MAP7: variants seen among roughly 807,000 people sequenced by gnomAD.
The protein encoded by MAP7 is microtubule associated protein 7, also known as ensconsin.
Under a neutral mutation model 94.8 loss-of-function variants are expected in MAP7, and 52 were observed. The ratio of observed to expected loss-of-function variants is 0.55; its 90% CI spans 0.44 to 0.69. The LOEUF (loss-of-function observed/expected upper bound fraction) is 0.69. MAP7 is among the 30% of genes least tolerant of loss of function. MAP7 has a pLI of 0.00. For synonymous variants in MAP7, 350 were observed against 357.0 expected (o/e 0.98, Z 0.22); for missense variants, 940 against 964.6 (o/e 0.97, Z 0.34).
At chr6:136,387,515 C>T (rs979286802) in intron 5 of MAP7, among the ~76,000 whole-genome samples, 10 of 152,062 alleles carry the variant, frequency 6.6e-5, no homozygotes, top group Admixed American at 6.6e-4. Flanking sequence ...ATTAGGCATG[C>T]GTTGATGACT....
intron 3 of MAP7, among the ~76,000 whole-genome samples, chr6:136,399,521 T>A (rs1366463621): frequency 1.3e-5 from 2 of 151,866 alleles, no homozygotes; most frequent in East Asian, 1.9e-4. Flanking sequence ...TTTTTTTTTT[T>A]ATTATTATTC....
chr6:136,540,399 G>C (rs1452137724), intron 1 of MAP7, among the ~76,000 whole-genome samples: 1 of 151,522 alleles, frequency 6.6e-6, no homozygotes, highest in Non-Finnish European at 1.5e-5. Context: ...GGGGCAGGAG[G>C]GAGAGGAAGG....
At chr6:136,365,228 C>T (rs78641178) in intron 10 of MAP7, 8,773 of 152,626 alleles carry the variant, frequency 0.057, 354 homozygotes, top group Admixed American at 0.11. Context: ...TGGAAGCAAA[C>T]ACTGGACTCC....
At chr6:136,514,968 A>C (rs536913377) in intron 1 of MAP7, among the ~76,000 whole-genome samples, 2 of 152,324 alleles carry the variant, frequency 1.3e-5, no homozygotes, top group African/African-American at 4.8e-5. Context: ...CTCTCTGTCT[A>C]TCAACGTCCT....
Position 136,356,763 on chromosome 6 carries a change from A to G in MAP7, c.1944T>C (p.Ala648=). The part of the protein sequence containing the change: ...EVSALPCTTN[A]PGNGKPVGSP... Reference sequence around the variant, plus strand: ...TGCCAACTGGCTTTCCATTTCCCGGAGCGTTTGTTGTACATGGAAGTGCAG... The same window carrying G: ...TGCCAACTGGCTTTCCATTTCCCGGGGCGTTTGTTGTACATGGAAGTGCAG... Residue 648 remains alanine (A), a synonymous_variant, in exon 16 of 18, where the codon GCT becomes GCC. Transcript: ENST00000354570. 6.2e-7 allele frequency: 1 copy of G among 1,614,114 alleles called. No homozygotes were observed. The highest frequency in any genetic ancestry group is 8.5e-7 in the Non-Finnish European group (1 of 1,180,012).
chr6:136,431,763 G>A (rs1324755281), intron 1 of MAP7, among the ~76,000 whole-genome samples: 1 of 152,058 alleles, frequency 6.6e-6, no homozygotes, highest in African/African-American at 2.4e-5. Flanking sequence ...GGTGATCCTC[G>A]CACCTCGGAC....
intron 1 of MAP7, among the ~76,000 whole-genome samples, chr6:136,540,326 A>G (rs963024337): frequency 6.6e-6 from 1 of 152,160 alleles, no homozygotes; most frequent in Non-Finnish European, 1.5e-5. Context: ...TCTCTGGGAA[A>G]AGTATGTAAT....
At chr6:136,469,832 C>A (rs1458155374) in intron 1 of MAP7, among the ~76,000 whole-genome samples, 1 of 152,182 alleles carries the variant, frequency 6.6e-6, no homozygotes, top group Admixed American at 6.5e-5. Flanking sequence ...CAAGATCACA[C>A]AATAATCCCT....
At chr6:136,425,957 T>C (rs1288648511) in intron 1 of MAP7, among the ~76,000 whole-genome samples, 1 of 152,184 alleles carries the variant, frequency 6.6e-6, no homozygotes, top group African/African-American at 2.4e-5. Context: ...ATTAGGGGTA[T>C]AATGTATCTC....
At chr6:136,433,570 G>T (rs1346396023) in intron 1 of MAP7, among the ~76,000 whole-genome samples, 1 of 152,202 alleles carries the variant, frequency 6.6e-6, no homozygotes, top group Admixed American at 6.5e-5. Context: ...GTGAACAAAA[G>T]TAGGAACAAA....
chr6:136,441,177 T>C (rs377511499), intron 1 of MAP7, among the ~76,000 whole-genome samples: 5 of 152,236 alleles, frequency 3.3e-5, no homozygotes, highest in African/African-American at 1.2e-4. Context: ...CTCTTCCGCA[T>C]GCTGATTTCA....
intron 1 of MAP7, among the ~76,000 whole-genome samples, chr6:136,516,441 A>G (rs1484442430): frequency 6.6e-6 from 1 of 152,162 alleles, no homozygotes; most frequent in Admixed American, 6.5e-5. Context: ...TACAGGCATA[A>G]GCCACCATGC....
chr6:136,472,913 C>T (rs181772772), intron 1 of MAP7, among the ~76,000 whole-genome samples: 19 of 152,290 alleles, frequency 1.2e-4, no homozygotes, highest in Admixed American at 1.0e-3. Flanking sequence ...ATCATATCTT[C>T]CAAGTGCCCA....
chr6:136,394,861 C>A (rs1467119876), intron 3 of MAP7, among the ~76,000 whole-genome samples: 1 of 139,812 alleles, frequency 7.2e-6, no homozygotes, highest in East Asian at 2.1e-4. Context: ...AAGACAGTGA[C>A]CTGCAGTTTT....
intron 1 of MAP7, among the ~76,000 whole-genome samples, chr6:136,489,526 C>CTT (rs1164047042): frequency 0.011 from 1,131 of 102,978 alleles, 23 homozygotes; most frequent in African/African-American, 0.015. Flanking sequence ...CATCAGGTTT[C>CTT]TTTTTTTTTT....
At position 136,477,241 on chromosome 6, in the gene MAP7, C is replaced by T. The variant is rs574304445; in HGVS notation, c.68-55442G>A. 1.4e-4 allele frequency among the ~76,000 whole-genome samples: 22 copies of T among 152,156 alleles called. 1 individual carries two copies. The South Asian group carries it at 2.5e-3, about 17-fold the overall frequency. On this transcript the variant is annotated intron_variant, in intron 1 of 17. Coordinates refer to ENST00000354570, the MANE Select transcript of MAP7 (RefSeq NM_003980.6). ...AAACATCACTTCTGCGGCATTCAGG[C>T]GAAAAATATATTACCTCAGTCTAAT...
chr6:136,420,304 G>T (rs531718949), intron 2 of MAP7: 4 of 778,480 alleles, frequency 5.1e-6, no homozygotes, highest in Non-Finnish European at 9.0e-6. Context: ...CCTTGGTGCT[G>T]CCTGACGTGA....
chr6:136,413,227 A>G (rs1316927539), intron 2 of MAP7, among the ~76,000 whole-genome samples: 1 of 152,088 alleles, frequency 6.6e-6, no homozygotes, highest in Non-Finnish European at 1.5e-5. Flanking sequence ...GGAATCTACT[A>G]TAATAATACA....
chr6:136,395,140 T>C (rs1782064126), intron 3 of MAP7, among the ~76,000 whole-genome samples: 1 of 151,178 alleles, frequency 6.6e-6, no homozygotes, highest in Non-Finnish European at 1.5e-5. Flanking sequence ...TTGAGGAGCT[T>C]CCATACTGTC....
Sources: gnomAD v4.1 joint callset for allele counts (sites outside exome capture counted in the v4.1 genomes callset) on GRCh38, gnomAD v4.1.1 for gene constraint, MANE v1.5 for transcripts, NCBI Gene and HGNC (gene_info 2026-07-23, HGNC 2026-07-21) for gene names.